Variants in CREBRF observed in about 807,000 individuals in gnomAD.
CREBRF encodes the protein CREB3 regulatory factor, also known as UPF0474 protein C5orf41.
Under a neutral mutation model 66.1 loss-of-function variants are expected in CREBRF, and 5 were observed. The observed-to-expected ratio is 0.08, with a 90% confidence interval of 0.04 to 0.16. The LOEUF (loss-of-function observed/expected upper bound fraction) is 0.16. CREBRF is among the 10% of genes least tolerant of loss of function. The pLI, the probability that CREBRF is intolerant of heterozygous loss-of-function variation, is 1.00. For synonymous variants in CREBRF, 229 were observed against 264.4 expected, an observed-to-expected ratio of 0.87 and a Z score of 1.30; for missense variants, 531 against 744.9, an observed-to-expected ratio of 0.71 and a Z score of 3.34.
intron 7 of CREBRF, among the ~76,000 whole-genome samples, chr5:173,119,534 A>G (rs886462994): frequency 6.6e-6 from 1 of 152,192 alleles, no homozygotes; most frequent in Non-Finnish European, 1.5e-5. Context: ...AGTAGTAGGT[A>G]TGTAGATTCC....
At chr5:173,069,655 C>A (rs532232366) in intron 1 of CREBRF, among the ~76,000 whole-genome samples, 17 of 152,158 alleles carry the variant, frequency 1.1e-4, no homozygotes, top group South Asian at 8.4e-4. Flanking sequence ...CAATGCATAA[C>A]CTTTTACCTA....
Position 173,137,006 on chromosome 5 carries a change from A to G in CREBRF, c.*3261A>G, listed in dbSNP as rs1052385699. On this transcript the variant is annotated 3_prime_UTR_variant, in exon 9 of 9. Coordinates refer to ENST00000296953, the MANE Select transcript of CREBRF (RefSeq NM_153607.3). ...AACCTTTTTTCCTAGTTTCAGATAC[A>G]CTGGATTCTTTATAGAGTTTGTCTC... is the stretch of plus-strand genomic sequence containing the variant. 9 of 151,810 alleles carry G rather than the reference A, an allele frequency of 5.9e-5. No individual in the cohort carries two copies. Among genetic ancestry groups the G allele is most frequent in the African/African-American group, 2.2e-4 (9 of 41,328 alleles). The allele number at this position is 151,810 out of a possible 1,614,324, so 9.4% of individuals were successfully genotyped here.
At chr5:173,083,229 T>C (rs1758022582) in intron 2 of CREBRF, among the ~76,000 whole-genome samples, 1 of 151,970 alleles carries the variant, frequency 6.6e-6, no homozygotes, top group African/African-American at 2.4e-5. Context: ...AATAAATAAA[T>C]AAAAGAAATT....
intron 1 of CREBRF, among the ~76,000 whole-genome samples, chr5:173,064,069 T>C (rs905217847): frequency 2.0e-5 from 3 of 151,748 alleles, no homozygotes; most frequent in Non-Finnish European, 4.4e-5. Flanking sequence ...CTTGCTGTTT[T>C]TTTTGTCCTC....
At chr5:173,120,147 C>G (rs1278463882) in intron 7 of CREBRF, among the ~76,000 whole-genome samples, 1 of 151,856 alleles carries the variant, frequency 6.6e-6, no homozygotes, top group Non-Finnish European at 1.5e-5. Flanking sequence ...GTTTTAGTAC[C>G]AGGGCTATAC....
intron 1 of CREBRF, among the ~76,000 whole-genome samples, chr5:173,074,410 GAAAGGAA>G (rs1284391654): frequency 2.0e-5 from 3 of 152,040 alleles, no homozygotes; most frequent in Non-Finnish European, 4.4e-5. Context: ...GGAGCCTTTG[GAAAGGAA>G]TTGAACAAAA....
intron 1 of CREBRF, among the ~76,000 whole-genome samples, chr5:173,059,059 A>G (rs187807785): frequency 4.9e-4 from 74 of 151,582 alleles, no homozygotes; most frequent in Non-Finnish European, 8.7e-4. Flanking sequence ...TCAGCTTCCA[A>G]AGTTCTGGGA....
chr5:173,090,487 A>C lies in CREBRF; in HGVS notation c.308A>C (p.Lys103Thr). The change falls in exon 4 of 9, where the codon AAA becomes ACA. Residue 103 changes from lysine to threonine, a missense_variant. Coordinates refer to ENST00000296953, the MANE Select transcript of CREBRF (RefSeq NM_153607.3). The surrounding 1 kb of genome is among the most constrained non-coding windows in gnomAD (Gnocchi z 4.5). ...TYCEDLTKYT[K>T]LTSCDIWGTK... ...TGTGAAGACCTAACGAAATATACCAAACTAACCAGCTGTGACATCTGGGGA... is the reference window on the plus strand; with the variant it reads ...TGTGAAGACCTAACGAAATATACCACACTAACCAGCTGTGACATCTGGGGA... The C allele has an allele frequency of 6.2e-7, 1 of 1,613,608 alleles. No homozygotes were observed. The highest frequency in any genetic ancestry group is 8.5e-7 in the Non-Finnish European group (1 of 1,179,542).
At chr5:173,115,837 C>T (rs1758976753) in intron 7 of CREBRF, among the ~76,000 whole-genome samples, 1 of 152,040 alleles carries the variant, frequency 6.6e-6, no homozygotes, top group African/African-American at 2.4e-5. Flanking sequence ...GTCTTGATCT[C>T]CTGACCTCGT....
At chr5:173,082,921 A>AC (rs1473572157) in intron 2 of CREBRF, among the ~76,000 whole-genome samples, 1 of 126,402 alleles carries the variant, frequency 7.9e-6, no homozygotes, top group East Asian at 2.1e-4. Context: ...AAAAAAAAAA[A>AC]AAAAAAAAAA....
chr5:173,104,963 T>G lies in CREBRF; in HGVS notation c.1223-3661T>G, dbSNP rs148543727. ...GAAATATATGCAGGAAAAAATCTAT[T>G]CAGATCATTTAATTAGGCACAAGAA... On this transcript the variant is annotated intron_variant, in intron 4 of 8. Transcript: ENST00000296953. Among the ~76,000 whole-genome samples the G allele has an allele frequency of 7.2e-5, 11 of 152,240 alleles. No individual in the cohort carries two copies. In the East Asian group the frequency reaches 2.1e-3, roughly 29 times the overall value.
intron 1 of CREBRF, among the ~76,000 whole-genome samples, chr5:173,078,465 A>T (rs894007960): frequency 4.0e-5 from 6 of 151,124 alleles, no homozygotes; most frequent in Admixed American, 3.3e-4. Flanking sequence ...TTATGTATTT[A>T]TTATTATTAA....
chr5:173,085,045 C>T lies in CREBRF; in HGVS notation c.10-1456C>T, dbSNP rs142095071. On this transcript the variant is annotated intron_variant, in intron 2 of 8. Coordinates refer to ENST00000296953, the MANE Select transcript of CREBRF (RefSeq NM_153607.3). Reference sequence around the variant, plus strand: ...GCAGCCTCCACCTCCTGGGTTCAAGCGATTCTCCTGCCTCAGCCTCCTGAA... The same window carrying T: ...GCAGCCTCCACCTCCTGGGTTCAAGTGATTCTCCTGCCTCAGCCTCCTGAA... 6.0e-4 allele frequency among the ~76,000 whole-genome samples: 91 copies of T among 152,178 alleles called. No individual in the cohort carries two copies. The East Asian group carries it at 0.014, about 23-fold the overall frequency.
intron 4 of CREBRF, among the ~76,000 whole-genome samples, chr5:173,105,312 G>C (rs1758724469): frequency 6.6e-6 from 1 of 151,788 alleles, no homozygotes; most frequent in Non-Finnish European, 1.5e-5. Context: ...CTTTGGGCTG[G>C]GATAGGCTTA....
intron 8 of CREBRF, 50 bp from the exon 9 acceptor site, chr5:173,133,580 C>T (rs766684524): frequency 6.4e-6 from 7 of 1,086,398 alleles, no homozygotes; most frequent in Non-Finnish European, 9.8e-6. Context: ...CCCTTCCCTT[C>T]ATGGCCTTCC....
In CREBRF at chr5:173,093,110, C is replaced by G. The variant is rs377295083; in HGVS notation, c.1222+1709C>G. Among the ~76,000 whole-genome samples the G allele has an allele frequency of 2.6e-5, 4 of 152,008 alleles. No homozygotes were observed. In the East Asian group the frequency reaches 7.7e-4, roughly 29 times the overall value. On this transcript the variant is annotated intron_variant, in intron 4 of 8. Transcript: ENST00000296953. ...AGATTGGTCCTGTTGCTTTGAGTCTCGTATTTAGGAGCAGGGAGGGGAAGG... is the reference window on the plus strand; with the variant it reads ...AGATTGGTCCTGTTGCTTTGAGTCTGGTATTTAGGAGCAGGGAGGGGAAGG...
At chr5:173,082,908 C>CAAAAAAAAAAAAAAAAAAAAAAAAAAA (rs70984937) in intron 2 of CREBRF, among the ~76,000 whole-genome samples, 1 of 28,984 alleles carries the variant, frequency 3.5e-5, no homozygotes, top group Non-Finnish European at 6.1e-5. Flanking sequence ...GACTCTGTCT[C>CAAAAAAAAAAAAAAAAAAAAAAAAAAA]AAAAAAAAAA....
At chr5:173,115,835 C>T (rs1050841322) in intron 7 of CREBRF, among the ~76,000 whole-genome samples, 1 of 152,056 alleles carries the variant, frequency 6.6e-6, no homozygotes, top group African/African-American at 2.4e-5. Flanking sequence ...TGGTCTTGAT[C>T]TCCTGACCTC....
intron 5 of CREBRF, 130 bp downstream of exon 5, chr5:173,108,948 G>A: frequency 1.3e-6 from 1 of 747,228 alleles, no homozygotes; most frequent in Non-Finnish European, 2.2e-6. Flanking sequence ...CTGTAGAGCT[G>A]CTACATTTGT....
Sources: allele counts gnomAD v4.1 joint callset (sites outside exome capture counted in the v4.1 genomes callset), GRCh38; gene constraint gnomAD v4.1.1; non-coding constraint Gnocchi (gnomAD v3.1); transcripts MANE v1.5; gene names NCBI Gene and HGNC (gene_info 2026-07-23, HGNC 2026-07-21).